Variants in PXDNL observed in about 807,000 individuals in gnomAD.
PXDNL encodes peroxidasin like.
A neutral mutation model predicts 150.8 loss-of-function variants in PXDNL; 145 were observed. The ratio of observed to expected loss-of-function variants is 0.96; its 90% CI spans 0.84 to 1.10. PXDNL has a LOEUF of 1.10. Among genes scored for constraint, PXDNL ranks in the 50% least tolerant of loss-of-function variants. The pLI, the probability that PXDNL is intolerant of heterozygous loss-of-function variation, is 0.00. For synonymous variants in PXDNL, 757 were observed against 725.7 expected, an observed-to-expected ratio of 1.04 and a Z score of -0.69; for missense variants, 2,087 against 1,873.9, an observed-to-expected ratio of 1.11 and a Z score of -2.10.
intron 2 of PXDNL, among the ~76,000 whole-genome samples, chr8:51,594,857 T>C (rs1008732041): frequency 6.6e-6 from 1 of 152,156 alleles, no homozygotes; most frequent in African/African-American, 2.4e-5. Context: ...AGAAAGAAAA[T>C]GCATTCAAAA....
chr8:51,416,071 G>C (rs1463681222), intron 14 of PXDNL, among the ~76,000 whole-genome samples: 1 of 152,146 alleles, frequency 6.6e-6, no homozygotes, highest in Non-Finnish European at 1.5e-5. Flanking sequence ...CAACATATTA[G>C]CTTTTTCTTT....
rs1563419775 is a variant in PXDNL, at chr8:51,455,146, A to AAAAAAAAAAAGAG, written c.983-1362_983-1361insCTCTTTTTTTTTT. Among the ~76,000 whole-genome samples the AAAAAAAAAAAGAG allele has an allele frequency of 5.4e-5, 8 of 149,058 alleles. 1 individual carries two copies. The highest frequency in any genetic ancestry group is 2.1e-4 in the South Asian group (1 of 4,674). On this transcript the variant is annotated intron_variant, in intron 9 of 22. Coordinates refer to ENST00000356297, the MANE Select transcript of PXDNL (RefSeq NM_144651.5). ...AAAAAAAAAAAAAGAGGTAAGGGAAAGTATAGGGAAAGTTATTATAATAAT... is the reference window on the plus strand; with the variant it reads ...AAAAAAAAAAAAAGAGGTAAGGGAAAAAAAAAAAAAGAGGTATAGGGAAAGTTATTATAATAAT...
chr8:51,475,878 G>A (rs1421260787), intron 6 of PXDNL, among the ~76,000 whole-genome samples: 1 of 152,006 alleles, frequency 6.6e-6, no homozygotes, highest in Non-Finnish European at 1.5e-5. Flanking sequence ...AACATATGGT[G>A]TTTGGTTTAC....
intron 3 of PXDNL, among the ~76,000 whole-genome samples, chr8:51,571,225 C>T (rs1812934347): frequency 6.6e-6 from 1 of 151,572 alleles, no homozygotes; most frequent in Admixed American, 6.6e-5. Context: ...GTTTGTTCTA[C>T]AACAATCAAA....
chr8:51,506,361 T>G lies in PXDNL; in HGVS notation c.381-6591A>C, dbSNP rs1025106417. Among the ~76,000 whole-genome samples the G allele has an allele frequency of 2.6e-5, 4 of 151,760 alleles. No homozygotes were observed. In the South Asian group the frequency reaches 8.3e-4, roughly 32 times the overall value. On this transcript the variant is annotated intron_variant, in intron 4 of 22. Transcript: ENST00000356297. ...ATTGAGACCATCCTGGCCAACATGG[T>G]GAAACCCCGTCTCTACTAAAAATAC...
intron 2 of PXDNL, among the ~76,000 whole-genome samples, chr8:51,650,019 C>T (rs1443153134): frequency 1.4e-5 from 2 of 147,642 alleles, no homozygotes; most frequent in African/African-American, 2.5e-5. Context: ...AGGAGAATCA[C>T]TTAAACCCCT....
chr8:51,785,213 C>G (rs1301251785), intron 1 of PXDNL, among the ~76,000 whole-genome samples: 1 of 151,818 alleles, frequency 6.6e-6, no homozygotes, highest in Non-Finnish European at 1.5e-5. Flanking sequence ...GATTTTATTA[C>G]CAAAAATACA....
chr8:51,720,504 T>C (rs1045700416), intron 1 of PXDNL, among the ~76,000 whole-genome samples: 3 of 152,186 alleles, frequency 2.0e-5, no homozygotes, highest in African/African-American at 7.2e-5. Flanking sequence ...ATGTTCTTTT[T>C]TGAGAATTTA....
chr8:51,562,192 C>T (rs1479102636), intron 3 of PXDNL, among the ~76,000 whole-genome samples: 1 of 151,028 alleles, frequency 6.6e-6, no homozygotes, highest in Non-Finnish European at 1.5e-5. Flanking sequence ...TGTTCTTCAC[C>T]CTGGATAATA....
chr8:51,533,557 G>A (rs368116019), intron 4 of PXDNL, among the ~76,000 whole-genome samples: 5 of 136,732 alleles, frequency 3.7e-5, no homozygotes, highest in Non-Finnish European at 7.7e-5. Context: ...AAAGCTGGAC[G>A]GTACTGCTGC....
intron 1 of PXDNL, among the ~76,000 whole-genome samples, chr8:51,672,981 G>T (rs1455343421): frequency 1.3e-5 from 2 of 152,142 alleles, no homozygotes; most frequent in African/African-American, 4.8e-5. Context: ...AATAGATTCA[G>T]ATGGTGCAAT....
chr8:51,432,217 T>G (rs1172961567), intron 12 of PXDNL, among the ~76,000 whole-genome samples: 2 of 152,228 alleles, frequency 1.3e-5, no homozygotes, highest in Non-Finnish European at 2.9e-5. Context: ...CCCAGGACTA[T>G]TACTGAGAAG....
chr8:51,802,645 G>T (rs1191205947), intron 1 of PXDNL, among the ~76,000 whole-genome samples: 1 of 152,202 alleles, frequency 6.6e-6, no homozygotes, highest in African/African-American at 2.4e-5. Flanking sequence ...TCTGTTGCCT[G>T]AAACAAAAGG....
At chr8:51,338,999 A>C (rs1805912328) in intron 21 of PXDNL, among the ~76,000 whole-genome samples, 1 of 152,224 alleles carries the variant, frequency 6.6e-6, no homozygotes, top group Non-Finnish European at 1.5e-5. Context: ...TCAAGTTCAC[A>C]GTTATTCAGA....
chr8:51,739,690 C>A (rs549272091), intron 1 of PXDNL, among the ~76,000 whole-genome samples: 1 of 151,960 alleles, frequency 6.6e-6, no homozygotes, highest in Non-Finnish European at 1.5e-5. Context: ...CTGGCTAACA[C>A]AGTGAAGCCC....
chr8:51,805,415 T>C (rs1270569772), intron 1 of PXDNL, among the ~76,000 whole-genome samples: 2 of 148,136 alleles, frequency 1.4e-5, no homozygotes, highest in Non-Finnish European at 3.0e-5. Context: ...TACTCCCTAT[T>C]ATTCCATAAC....
chr8:51,377,759 C>A lies in PXDNL; in HGVS notation c.3558-3028G>T, dbSNP rs578184084. On this transcript the variant is annotated intron_variant, in intron 17 of 22. Coordinates refer to ENST00000356297, the MANE Select transcript of PXDNL (RefSeq NM_144651.5). ...GGGCCTCAGCTGCCTCCCTGCGGGGCAGGGCTGAGGACCTGCAGCCCGCCA... is the reference window on the plus strand; with the variant it reads ...GGGCCTCAGCTGCCTCCCTGCGGGGAAGGGCTGAGGACCTGCAGCCCGCCA... Among the ~76,000 whole-genome samples, 40 of 152,330 alleles carry A rather than the reference C, an allele frequency of 2.6e-4. No homozygotes were observed. In the East Asian group the frequency reaches 7.0e-3, roughly 27 times the overall value.
At chr8:51,354,464 G>T (rs1382847561) in intron 19 of PXDNL, among the ~76,000 whole-genome samples, 2 of 152,028 alleles carry the variant, frequency 1.3e-5, no homozygotes, top group African/African-American at 4.8e-5. Flanking sequence ...TAGCTGATAT[G>T]AAAAATTAGC....
chr8:51,369,846 C>G (rs1394348267), intron 19 of PXDNL, among the ~76,000 whole-genome samples: 1 of 152,208 alleles, frequency 6.6e-6, no homozygotes, highest in Non-Finnish European at 1.5e-5. Flanking sequence ...TACATCCTTG[C>G]ATTGCATTTT....
Sources: gnomAD v4.1 joint callset for allele counts (sites outside exome capture counted in the v4.1 genomes callset) on GRCh38, gnomAD v4.1.1 for gene constraint, MANE v1.5 for transcripts, NCBI Gene and HGNC (gene_info 2026-07-23, HGNC 2026-07-21) for gene names.